The following PLCL2 variants were observed in gnomAD, a reference collection of about 807,000 sequenced individuals.
PLCL2 encodes phospholipase C like 2.
In PLCL2, 4 loss-of-function variants were observed where a neutral mutation model predicts 79.6. The observed-to-expected ratio is 0.05, with a 90% CI of 0.02 to 0.11. PLCL2 has a LOEUF of 0.11. Ranked by LOEUF, PLCL2 falls within the 10% of genes least tolerant of loss-of-function variation. The pLI is 1.00. For synonymous variants in PLCL2, 484 were observed against 457.7 expected, an observed-to-expected ratio of 1.06 and a Z score of -0.73; for missense variants, 895 against 1,291.0, an observed-to-expected ratio of 0.69 and a Z score of 4.70.
intron 1 of PLCL2, among the ~76,000 whole-genome samples, chr3:16,979,664 C>G (rs180733373): frequency 3.5e-5 from 5 of 141,216 alleles, no homozygotes; most frequent in African/African-American, 1.3e-4. Flanking sequence ...GTAAGGTCAC[C>G]GATCAACAGG....
At chr3:17,014,587 AAC>A in intron 2 of PLCL2, 119 bp from the exon 3 acceptor site, 1 of 771,680 alleles carries the variant, frequency 1.3e-6, no homozygotes, top group South Asian at 1.6e-5. Context: ...ATTCTGTTAT[AAC>A]ACTGTTAATA....
At chr3:17,089,144 GT>G (rs959149046) in intron 5 of PLCL2, among the ~76,000 whole-genome samples, 7 of 152,170 alleles carry the variant, frequency 4.6e-5, no homozygotes, top group African/African-American at 1.7e-4. Context: ...CTTCCTGGTG[GT>G]GCTGGTGCAG....
chr3:16,926,757 G>A (rs1027736737), intron 1 of PLCL2, among the ~76,000 whole-genome samples: 1 of 151,364 alleles, frequency 6.6e-6, no homozygotes, highest in African/African-American at 2.4e-5. Flanking sequence ...TCAGCCTCCC[G>A]AGTAGCTGAG....
rs1559475697 is a variant in PLCL2 at position 16,886,656 on chromosome 3, G to A, written c.327+1290G>A. Reference sequence around the variant, plus strand: ...TGGAGATGAAGTGTATTAACTACCTGCAGCACACACGTAGAGATAAACTAA... The same window carrying A: ...TGGAGATGAAGTGTATTAACTACCTACAGCACACACGTAGAGATAAACTAA... On this transcript the variant is annotated intron_variant, in intron 1 of 5. Transcript: ENST00000615277. The surrounding 1 kb of genome is among the most constrained non-coding windows in gnomAD (Gnocchi z 4.2). Among the ~76,000 whole-genome samples, 1 of 152,194 alleles carries A rather than the reference G, an allele frequency of 6.6e-6. No homozygotes were observed. Among genetic ancestry groups the A allele is most frequent in the Non-Finnish European group, 1.5e-5 (1 of 68,038 alleles).
intron 1 of PLCL2, among the ~76,000 whole-genome samples, chr3:16,957,007 G>GT (rs1166468761): frequency 3.9e-5 from 6 of 152,032 alleles, no homozygotes; most frequent in African/African-American, 1.2e-4. Context: ...TTTTTGAAGG[G>GT]TTTTTTGTGT....
intron 1 of PLCL2, among the ~76,000 whole-genome samples, chr3:16,980,584 C>T (rs1231881832): frequency 2.3e-4 from 35 of 151,312 alleles, no homozygotes; most frequent in African/African-American, 7.0e-4. Context: ...TGATGGCGGC[C>T]GGGAAGAGGC....
chr3:17,066,961 T>C (rs1354715766), intron 4 of PLCL2, among the ~76,000 whole-genome samples: 1 of 152,198 alleles, frequency 6.6e-6, no homozygotes, highest in Non-Finnish European at 1.5e-5. Context: ...TTATCTGAAT[T>C]CACCTTGATA....
rs17043015 is a variant in PLCL2 at position 17,027,747 on chromosome 3, G to A, written c.3018+12836G>A. Among the ~76,000 whole-genome samples the A allele has an allele frequency of 8.2e-3, 1,241 of 152,234 alleles. 85 individuals are homozygous for A. The East Asian group carries it at 0.17, about 21-fold the overall frequency. On this transcript the variant is annotated intron_variant, in intron 3 of 5. Coordinates refer to ENST00000615277, the MANE Select transcript of PLCL2 (RefSeq NM_001144382.2). Reference sequence around the variant, plus strand: ...AATCGTTAACCTGGAGGAAGGAGGAGACTGTTATCGTTGCCTGAGCACTCC... The same window carrying A: ...AATCGTTAACCTGGAGGAAGGAGGAAACTGTTATCGTTGCCTGAGCACTCC...
chr3:17,088,918 G>A (rs979308390), intron 5 of PLCL2, among the ~76,000 whole-genome samples: 1 of 152,152 alleles, frequency 6.6e-6, no homozygotes, highest in African/African-American at 2.4e-5. Flanking sequence ...CAAGTTGATG[G>A]TCAGACCTCA....
chr3:16,898,679 G>A (rs1426503165), intron 1 of PLCL2, among the ~76,000 whole-genome samples: 1 of 152,196 alleles, frequency 6.6e-6, no homozygotes. Flanking sequence ...ACAAGGTGGA[G>A]GATGGCTTAG....
chr3:17,073,656 C>T (rs190444802), intron 5 of PLCL2, among the ~76,000 whole-genome samples: 124 of 152,328 alleles, frequency 8.1e-4, no homozygotes, highest in Non-Finnish European at 1.5e-3. Flanking sequence ...TCTCAAACCC[C>T]GCCATTCCTT....
At chr3:17,075,227 A>G (rs2065097766) in intron 5 of PLCL2, among the ~76,000 whole-genome samples, 1 of 152,094 alleles carries the variant, frequency 6.6e-6, no homozygotes, top group African/African-American at 2.4e-5. Flanking sequence ...ATGTCTCAGG[A>G]ACTTTGCATG....
intron 1 of PLCL2, among the ~76,000 whole-genome samples, chr3:16,982,228 G>C (rs1182856236): frequency 6.6e-6 from 1 of 152,132 alleles, no homozygotes; most frequent in East Asian, 1.9e-4. Flanking sequence ...TTAAAATTAA[G>C]ACCTGTCCTG....
intron 1 of PLCL2, among the ~76,000 whole-genome samples, chr3:16,986,075 A>G (rs142267540): frequency 2.0e-5 from 3 of 152,202 alleles, no homozygotes; most frequent in African/African-American, 7.2e-5. Flanking sequence ...TGTCCAACCA[A>G]TATGAACAGG....
chr3:16,948,232 AC>A (rs938581970), intron 1 of PLCL2, among the ~76,000 whole-genome samples: 1 of 152,192 alleles, frequency 6.6e-6, no homozygotes, highest in Non-Finnish European at 1.5e-5. Flanking sequence ...AACCTTGAAA[AC>A]ATTATGCTAA....
chr3:17,048,866 A>T (rs1280055900), intron 4 of PLCL2, among the ~76,000 whole-genome samples: 2 of 152,208 alleles, frequency 1.3e-5, no homozygotes, highest in Non-Finnish European at 1.5e-5. Context: ...GACCTATATG[A>T]AGTGCCACTG....
At chr3:17,073,414 CAGTT>C (rs1338072298) in intron 5 of PLCL2, among the ~76,000 whole-genome samples, 1 of 152,178 alleles carries the variant, frequency 6.6e-6, no homozygotes, top group South Asian at 2.1e-4. Flanking sequence ...TCTAAGCCCT[CAGTT>C]AGTTGTAATC....
chr3:17,057,213 A>G (rs1391485227), intron 4 of PLCL2, among the ~76,000 whole-genome samples: 2 of 152,212 alleles, frequency 1.3e-5, no homozygotes, highest in Non-Finnish European at 2.9e-5. Flanking sequence ...AATGCAACTT[A>G]TCCCCTTTGG....
rs572514487 is a variant in PLCL2, at chr3:17,078,106, G to A, written c.3204+10041G>A. On this transcript the variant is annotated intron_variant, in intron 5 of 5. Transcript: ENST00000615277. Reference sequence around the variant, plus strand: ...CTTTTAGCTGCAGACCAGTGGTCCCGATAAACCTCCTCTTGTATTAAGTGT... The same window carrying A: ...CTTTTAGCTGCAGACCAGTGGTCCCAATAAACCTCCTCTTGTATTAAGTGT... Among the ~76,000 whole-genome samples the A allele has an allele frequency of 2.0e-5, 3 of 152,250 alleles. No individual in the cohort carries two copies. The East Asian group carries it at 5.8e-4, about 29-fold the overall frequency.
Sources: gnomAD v4.1 joint callset for allele counts (sites outside exome capture counted in the v4.1 genomes callset) on GRCh38, gnomAD v4.1.1 for gene constraint, Gnocchi (gnomAD v3.1) non-coding constraint, MANE v1.5 for transcripts, NCBI Gene and HGNC (gene_info 2026-07-23, HGNC 2026-07-21) for gene names.